INPP4B: variants seen among roughly 807,000 people sequenced by gnomAD.
INPP4B encodes the protein inositol polyphosphate-4-phosphatase type II B, also known as inositol polyphosphate 4-phosphatase type II.
INPP4B carries 55 observed loss-of-function variants against 122.5 expected under a neutral mutation model. The observed-to-expected ratio is 0.45, with a 90% confidence interval of 0.36 to 0.56. The LOEUF (loss-of-function observed/expected upper bound fraction) is 0.56, where lower values mean the gene tolerates loss of function less well. INPP4B is among the 20% of genes least tolerant of loss of function. The probability of loss-of-function intolerance (pLI) is 0.00; values close to 1 mark genes in which losing one functional copy is unlikely to be tolerated. For missense variants in INPP4B, 1,000 were observed against 1,097.7 expected (o/e 0.91, Z 1.26); for synonymous variants, 403 against 388.7 (o/e 1.04, Z -0.43).
intron 12 of INPP4B, among the ~76,000 whole-genome samples, chr4:142,214,522 G>GT (rs1846223665): frequency 6.6e-6 from 1 of 152,158 alleles, no homozygotes; most frequent in African/African-American, 2.4e-5. Context: ...CTTAATGATA[G>GT]GTGAATCATA....
intron 11 of INPP4B, among the ~76,000 whole-genome samples, chr4:142,252,276 C>A (rs1413650008): frequency 6.6e-6 from 1 of 151,102 alleles, no homozygotes; most frequent in East Asian, 1.9e-4. Context: ...GCAAGCTCCG[C>A]CTCCCGGGTT....
At chr4:142,843,898 G>A (rs76251876) in intron 1 of INPP4B, among the ~76,000 whole-genome samples, 3 of 152,002 alleles carry the variant, frequency 2.0e-5, no homozygotes, top group Non-Finnish European at 4.4e-5. Flanking sequence ...ATGCTCCAAG[G>A]TTTCAGAAAG....
chr4:142,332,391 A>G (rs1774863229), intron 7 of INPP4B, among the ~76,000 whole-genome samples: 1 of 152,196 alleles, frequency 6.6e-6, no homozygotes, highest in East Asian at 1.9e-4. Context: ...TCATGGGCAT[A>G]TCAATATTCA....
At chr4:142,545,713 G>GTATATATATACACA (rs1829487877) in intron 2 of INPP4B, among the ~76,000 whole-genome samples, 6 of 118,104 alleles carry the variant, frequency 5.1e-5, no homozygotes, top group African/African-American at 2.0e-4. Flanking sequence ...ATATATGTGT[G>GTATATATATACACA]TGTATATGTG....
At chr4:142,270,968 T>C (rs181017372) in intron 9 of INPP4B, among the ~76,000 whole-genome samples, 194 bp from the exon 10 acceptor site, 2 of 151,882 alleles carry the variant, frequency 1.3e-5, no homozygotes, top group African/African-American at 4.9e-5. Context: ...TGTTTTCTTT[T>C]TTCTTTTTTT....
chr4:142,513,043 CTT>C (rs768245603), intron 2 of INPP4B, among the ~76,000 whole-genome samples: 28 of 152,102 alleles, frequency 1.8e-4, no homozygotes, highest in Non-Finnish European at 2.9e-4. Flanking sequence ...ATTAAGAACT[CTT>C]TATAAACTTC....
intron 1 of INPP4B, among the ~76,000 whole-genome samples, chr4:142,784,821 A>G (rs1167075522): frequency 6.6e-6 from 1 of 152,148 alleles, no homozygotes; most frequent in Non-Finnish European, 1.5e-5. Context: ...GTCTTCCAGA[A>G]AAGACTTTGC....
chr4:142,185,519 T>C (rs72720416), intron 15 of INPP4B, among the ~76,000 whole-genome samples: 12,920 of 151,788 alleles, frequency 0.085, 740 homozygotes, highest in Middle Eastern at 0.17. Context: ...AATACAACTT[T>C]TTGGTGGTAT....
chr4:142,788,403 A>T (rs1280240034), intron 1 of INPP4B, among the ~76,000 whole-genome samples: 3 of 152,116 alleles, frequency 2.0e-5, no homozygotes, highest in Non-Finnish European at 2.9e-5. Context: ...ACGTTCTGCC[A>T]TGTCACCTAC....
chr4:142,782,791 A>G (rs1452866605), intron 1 of INPP4B, among the ~76,000 whole-genome samples: 1 of 152,226 alleles, frequency 6.6e-6, no homozygotes, highest in African/African-American at 2.4e-5. Flanking sequence ...TAACCAAAAC[A>G]GCATGGTACT....
At chr4:142,660,153 G>A (rs185492500) in intron 2 of INPP4B, among the ~76,000 whole-genome samples, 1 of 152,230 alleles carries the variant, frequency 6.6e-6, no homozygotes, top group Non-Finnish European at 1.5e-5. Flanking sequence ...ACATAGGTGA[G>A]AACAGATAAT....
chr4:142,153,594 A>G (rs1470484210), intron 17 of INPP4B, among the ~76,000 whole-genome samples: 1 of 152,206 alleles, frequency 6.6e-6, no homozygotes, highest in Non-Finnish European at 1.5e-5. Context: ...GAACTGCAGG[A>G]AAATCATTAC....
At chr4:142,142,917 A>T (rs1808609311) in intron 18 of INPP4B, among the ~76,000 whole-genome samples, 3 of 152,052 alleles carry the variant, frequency 2.0e-5, no homozygotes, top group Admixed American at 2.0e-4. Flanking sequence ...TTTGAATTAC[A>T]GGCCCTTAGA....
chr4:142,495,703 T>C (rs1186857129), intron 2 of INPP4B, among the ~76,000 whole-genome samples: 1 of 152,152 alleles, frequency 6.6e-6, no homozygotes, highest in African/African-American at 2.4e-5. Flanking sequence ...CTTTTAATCA[T>C]GATAAAGGTG....
intron 9 of INPP4B, among the ~76,000 whole-genome samples, chr4:142,303,754 A>G (rs1162250071): frequency 1.3e-5 from 2 of 152,156 alleles, no homozygotes; most frequent in East Asian, 1.9e-4. Flanking sequence ...TTTGTTTTAT[A>G]TAATCAAGAT....
intron 8 of INPP4B, among the ~76,000 whole-genome samples, chr4:142,310,671 C>G (rs2151271900): frequency 7.1e-6 from 1 of 141,266 alleles, no homozygotes; most frequent in East Asian, 2.0e-4. Context: ...TTTCATAGCC[C>G]CAGTACTTTT....
chr4:142,758,508 A>T (rs1050431453), intron 1 of INPP4B, among the ~76,000 whole-genome samples: 1 of 152,152 alleles, frequency 6.6e-6, no homozygotes, highest in Non-Finnish European at 1.5e-5. Flanking sequence ...ATAGAATAAA[A>T]TCAGGAAAGT....
At position 142,828,265 on chromosome 4, in the gene INPP4B, G is replaced by A. The variant is rs191134068; in HGVS notation, c.-254+17944C>T. Among the ~76,000 whole-genome samples the A allele has an allele frequency of 1.7e-3, 264 of 152,198 alleles. 1 individual carries two copies. Among genetic ancestry groups the A allele is most frequent in the African/African-American group, 6.3e-3 (261 of 41,558 alleles). ...CAGGTATATGAGAATAGATATTAAG[G>A]CCTTAAATCTATGTTATGTGGGGTG... On this transcript the variant is annotated intron_variant, in intron 1 of 25. Transcript: ENST00000262992.
intron 2 of INPP4B, among the ~76,000 whole-genome samples, chr4:142,504,067 C>T (rs986612788): frequency 4.6e-5 from 7 of 152,012 alleles, no homozygotes; most frequent in African/African-American, 1.7e-4. Context: ...TATTTGATTA[C>T]ATGGTATTTT....
Sources: gnomAD v4.1 joint callset for allele counts (sites outside exome capture counted in the v4.1 genomes callset) on GRCh38, gnomAD v4.1.1 for gene constraint, MANE v1.5 for transcripts, NCBI Gene and HGNC (gene_info 2026-07-23, HGNC 2026-07-21) for gene names.